Variants in SGMS1 observed in about 807,000 individuals in gnomAD.
SGMS1 encodes the protein phosphatidylcholine:ceramide cholinephosphotransferase 1.
A neutral mutation model predicts 46.2 loss-of-function variants in SGMS1; 13 were observed. The observed-to-expected ratio is 0.28, with a 90% CI of 0.18 to 0.45. The LOEUF (loss-of-function observed/expected upper bound fraction) is 0.45, where lower values mean the gene tolerates loss of function less well. Among genes scored for constraint, SGMS1 ranks in the 20% least tolerant of loss-of-function variants. SGMS1 has a pLI of 1.00. For missense variants in SGMS1, 324 were observed against 519.9 expected (o/e 0.62, Z 3.66); for synonymous variants, 203 against 187.8 (o/e 1.08, Z -0.66).
chr10:50,355,190 A>G (rs1196179777), intron 6 of SGMS1, among the ~76,000 whole-genome samples: 1 of 152,356 alleles, frequency 6.6e-6, no homozygotes, highest in South Asian at 2.1e-4. Flanking sequence ...CTTGGAACCA[A>G]CCCAAATGTC....
intron 6 of SGMS1, among the ~76,000 whole-genome samples, chr10:50,404,792 C>T (rs1179331403): frequency 6.6e-6 from 1 of 152,042 alleles, no homozygotes; most frequent in Admixed American, 6.6e-5. Flanking sequence ...TAAACACAAT[C>T]CCCCCAATGG....
In SGMS1 at chr10:50,523,621, T is replaced by C. The variant is rs561200868; in HGVS notation, c.-588-3700A>G. Among the ~76,000 whole-genome samples the C allele has an allele frequency of 5.3e-5, 8 of 152,372 alleles. No individual in the cohort carries two copies. The East Asian group carries it at 1.5e-3, about 29-fold the overall frequency. ...GTTGCTCTTCTTAATTTCTCTTGTTTATGTGCATATTCTTAGGGATGGAGA... is the reference window on the plus strand; with the variant it reads ...GTTGCTCTTCTTAATTTCTCTTGTTCATGTGCATATTCTTAGGGATGGAGA... On this transcript the variant is annotated intron_variant, in intron 2 of 10. Coordinates refer to ENST00000361781, the MANE Select transcript of SGMS1 (RefSeq NM_147156.4).
intron 2 of SGMS1, among the ~76,000 whole-genome samples, chr10:50,561,684 C>T (rs1838237902): frequency 6.6e-6 from 1 of 152,180 alleles, no homozygotes; most frequent in Non-Finnish European, 1.5e-5. Flanking sequence ...GTGGTGCTTG[C>T]AATGCTTCTT....
At position 50,343,960 on chromosome 10, in the gene SGMS1, A is replaced by G. The variant is rs1801438063; in HGVS notation, c.155T>C (p.Val52Ala). 3.1e-6 allele frequency: 5 copies of G among 1,613,852 alleles called. No homozygotes were observed. In the South Asian group the frequency reaches 5.5e-5, roughly 18 times the overall value. The change falls in exon 7 of 11, where the codon GTC becomes GCC. Residue 52 changes from valine to alanine, a missense_variant. Val to Ala is a moderately conservative substitution (Grantham distance 64). Around this residue, in one of 2 missense-constraint regions of SGMS1, gnomAD observed 150 missense variants for 169.8 expected, o/e 0.88. Coordinates refer to ENST00000361781, the MANE Select transcript of SGMS1 (RefSeq NM_147156.4). ...EDFKKPPLCR[V>A]SSDNGQRLLD... is the part of the protein sequence containing the mutation. ...GAGCCGCTGCCCATTGTCAGAGGAG[A>G]CTCGGCACAAGGGGGGTTTTTTGAA... is the stretch of plus-strand genomic sequence containing the variant.
intron 1 of SGMS1, among the ~76,000 whole-genome samples, chr10:50,601,266 A>G (rs932268605): frequency 6.6e-6 from 1 of 152,156 alleles, no homozygotes; most frequent in Admixed American, 6.5e-5. Context: ...GATGACTAAG[A>G]GGATGTTGGA....
chr10:50,587,631 A>ATGTGTGTGTGTGTGTG lies in SGMS1; in HGVS notation c.-589+2521_-589+2522insCACACACACACACACA, dbSNP rs1415958432. On this transcript the variant is annotated intron_variant, in intron 2 of 10. Transcript: ENST00000361781. ...AGAGCAAGACTGCATCTCAAAATAT[A>ATGTGTGTGTGTGTGTG]TATGTGTGTGTGTGTGTGTGTGTGT... Among the ~76,000 whole-genome samples the ATGTGTGTGTGTGTGTG allele has an allele frequency of 2.2e-3, 261 of 118,688 alleles. 6 individuals carry two copies. The highest frequency in any genetic ancestry group is 3.8e-3 in the South Asian group (13 of 3,380). The allele number at this position is 118,688 out of a possible 152,430, so 77.9% of individuals were successfully genotyped here. A position where few individuals can be genotyped will look rare whatever the true frequency, so the allele number is the denominator to read the frequency against.
At chr10:50,599,616 T>A (rs188186750) in intron 1 of SGMS1, among the ~76,000 whole-genome samples, 3 of 152,264 alleles carry the variant, frequency 2.0e-5, no homozygotes, top group Admixed American at 2.0e-4. Flanking sequence ...TGTAATCCCA[T>A]GACTGTGGGA....
At chr10:50,386,054 C>T (rs1848676653) in intron 6 of SGMS1, among the ~76,000 whole-genome samples, 1 of 152,044 alleles carries the variant, frequency 6.6e-6, no homozygotes, top group Admixed American at 6.6e-5. Flanking sequence ...TATCAGATGG[C>T]AATTCTGCGA....
intron 3 of SGMS1, among the ~76,000 whole-genome samples, chr10:50,470,290 T>C (rs1227945665): frequency 2.0e-5 from 3 of 152,192 alleles, no homozygotes; most frequent in Non-Finnish European, 2.9e-5. Flanking sequence ...GTAAACAGCA[T>C]GTTTTGCAAA....
intron 2 of SGMS1, among the ~76,000 whole-genome samples, chr10:50,558,626 G>A (rs973344237): frequency 3.3e-5 from 5 of 152,070 alleles, no homozygotes; most frequent in African/African-American, 7.2e-5. Flanking sequence ...TGCACAACAC[G>A]AATTTGAACT....
chr10:50,509,325 C>T (rs1182177319), intron 3 of SGMS1, among the ~76,000 whole-genome samples: 1 of 152,178 alleles, frequency 6.6e-6, no homozygotes, highest in African/African-American at 2.4e-5. Flanking sequence ...TAGAACCCTC[C>T]AATTCTTGCT....
chr10:50,617,499 T>C (rs988693373), intron 1 of SGMS1, among the ~76,000 whole-genome samples: 1 of 152,238 alleles, frequency 6.6e-6, no homozygotes, highest in South Asian at 2.1e-4. Context: ...TTCACAGGTA[T>C]GTACATCTGT....
At chr10:50,458,283 A>G (rs1837217518) in intron 5 of SGMS1, among the ~76,000 whole-genome samples, 1 of 149,618 alleles carries the variant, frequency 6.7e-6, no homozygotes, top group African/African-American at 2.5e-5. Context: ...TGTTAGAAAC[A>G]TTGCTGGTGA....
At chr10:50,309,786 A>C (rs1385525639) in intron 9 of SGMS1, among the ~76,000 whole-genome samples, 29 of 152,156 alleles carry the variant, frequency 1.9e-4, no homozygotes, top group Admixed American at 1.9e-3. Context: ...TAGTTTTTCA[A>C]GAACAAAACT....
intron 2 of SGMS1, among the ~76,000 whole-genome samples, chr10:50,532,782 G>A (rs1182638232): frequency 6.6e-6 from 1 of 152,206 alleles, no homozygotes; most frequent in East Asian, 1.9e-4. Flanking sequence ...GGCTAAAGTG[G>A]TCCATCTTTT....
At chr10:50,361,340 A>AC (rs71029306) in intron 6 of SGMS1, among the ~76,000 whole-genome samples, 28,696 of 151,460 alleles carry the variant, frequency 0.19, 3,010 homozygotes, top group East Asian at 0.31. Flanking sequence ...CTCTCCTCAT[A>AC]CCCCCAGGAT....
intron 3 of SGMS1, among the ~76,000 whole-genome samples, chr10:50,517,467 G>C (rs192725299): frequency 6.6e-6 from 1 of 152,180 alleles, no homozygotes; most frequent in African/African-American, 2.4e-5. Flanking sequence ...TGAACTAAAA[G>C]CTAAATCTTA....
chr10:50,566,895 G>A (rs1446143130), intron 2 of SGMS1, among the ~76,000 whole-genome samples: 1 of 152,140 alleles, frequency 6.6e-6, no homozygotes, highest in East Asian at 1.9e-4. Context: ...AAAATGCTTT[G>A]TAAATAGTTG....
intron 2 of SGMS1, among the ~76,000 whole-genome samples, chr10:50,533,357 A>C (rs1050859994): frequency 7.9e-5 from 12 of 152,184 alleles, no homozygotes; most frequent in Admixed American, 2.6e-4. Flanking sequence ...AATACTGTTA[A>C]GATGAATTTT....
Sources: allele counts gnomAD v4.1 joint callset (sites outside exome capture counted in the v4.1 genomes callset), GRCh38; gene constraint gnomAD v4.1.1; regional missense constraint gnomAD v4.1.1; transcripts MANE v1.5; gene names NCBI Gene and HGNC (gene_info 2026-07-23, HGNC 2026-07-21).